Variants in LPAR6 observed in about 807,000 individuals in gnomAD.
The protein encoded by LPAR6 is G-protein coupled purinergic receptor P2Y5.
LPAR6 carries 17 observed loss-of-function variants against 22.0 expected under a neutral mutation model. The observed-to-expected ratio is 0.77, with a 90% CI of 0.53 to 1.16. The LOEUF is 1.16. Ranked by LOEUF, LPAR6 falls within the 50% of genes most tolerant of loss-of-function variation. The pLI, the probability that LPAR6 is intolerant of heterozygous loss-of-function variation, is 0.00. For missense variants in LPAR6, 384 were observed against 406.9 expected (o/e 0.94, Z 0.48); for synonymous variants, 136 against 139.8 (o/e 0.97, Z 0.19).
chr13:48,437,784 A>G (rs1949199373), intron 1 of LPAR6, among the ~76,000 whole-genome samples: 1 of 152,218 alleles, frequency 6.6e-6, no homozygotes, highest in Non-Finnish European at 1.5e-5. Flanking sequence ...GTGACATGCC[A>G]TCACTTCTGC....
intron 1 of LPAR6, chr13:48,444,543 A>G (rs972893637): frequency 1.3e-5 from 2 of 152,422 alleles, no homozygotes; most frequent in Non-Finnish European, 2.9e-5. Context: ...ATCAAAGGAA[A>G]CACACTTACC....
chr13:48,424,014 A>AAAT (rs1226688616), intron 1 of LPAR6: 1 of 152,684 alleles, frequency 6.5e-6, no homozygotes, highest in Admixed American at 6.5e-5. Flanking sequence ...TGCATGCAGC[A>AAAT]AATGTTTGCC....
At chr13:48,397,467 G>T (rs1948657442) in intron 1 of LPAR6, among the ~76,000 whole-genome samples, 2 of 152,124 alleles carry the variant, frequency 1.3e-5, no homozygotes, top group Admixed American at 1.3e-4. Flanking sequence ...CACATGGAGG[G>T]GAACATCACA....
rs765378149 is a variant in LPAR6, at chr13:48,412,028, A to G, written c.396T>C (p.Asn132=). 1.9e-6 allele frequency: 3 copies of G among 1,613,176 alleles called. No homozygotes were observed. The highest frequency in any genetic ancestry group is 2.5e-6 in the Non-Finnish European group (3 of 1,179,574). ...ACACGCCAGTGCAAACAATCTTTGC[A>G]TTTCTTTTGGTTCTTAGAGTCTTTG... is the stretch of plus-strand genomic sequence containing the variant. ...FKSKTLRTKR[N]AKIVCTGVWL... The change falls in exon 1 of 1, where the codon AAT becomes AAC. Residue 132 remains asparagine (N), a synonymous_variant. Transcript: ENST00000620633.
upstream of LPAR6, among the ~76,000 whole-genome samples, chr13:48,413,330 G>C (rs572539217): frequency 3.4e-4 from 52 of 152,232 alleles, no homozygotes; most frequent in African/African-American, 1.1e-3. Flanking sequence ...TGCCTTCTGC[G>C]GTGCTGGCAA....
chr13:48,436,862 T>C (rs1438704013), intron 1 of LPAR6, among the ~76,000 whole-genome samples: 3 of 152,240 alleles, frequency 2.0e-5, no homozygotes, highest in Non-Finnish European at 4.4e-5. Flanking sequence ...TCCTGTAATG[T>C]AGTTCTAATA....
chr13:48,406,218 TG>T (rs1948738537), downstream of LPAR6, among the ~76,000 whole-genome samples: 1 of 152,114 alleles, frequency 6.6e-6, no homozygotes, highest in Non-Finnish European at 1.5e-5. Flanking sequence ...TGTGTATGTG[TG>T]TGTTAGATAT....
At chr13:48,424,296 C>T (rs1949049252) in intron 1 of LPAR6, among the ~76,000 whole-genome samples, 1 of 152,176 alleles carries the variant, frequency 6.6e-6, no homozygotes, top group African/African-American at 2.4e-5. Context: ...AAGTGATTTA[C>T]CTTCCTTTCA....
intron 2 of LPAR6, among the ~76,000 whole-genome samples, chr13:48,419,589 A>G (rs1052510859): frequency 1.3e-5 from 2 of 152,206 alleles, no homozygotes; most frequent in African/African-American, 4.8e-5. Context: ...AAAATCAATG[A>G]ATCCAGGAGC....
In LPAR6 at chr13:48,412,406, G is replaced by A. The variant is rs1304369581; in HGVS notation, c.18C>T (p.Ser6=). 6.2e-7 allele frequency: 1 copy of A among 1,613,506 alleles called. No homozygotes were observed. The highest frequency in any genetic ancestry group is 1.7e-5 in the Admixed American group (1 of 60,016). MVSVN[S]SHCFYNDSFK... ...AGGAGTCATTATAGAAGCAGTGGGA[G>A]CTGTTAACGCTTACCATCGTAAAGG... is the stretch of plus-strand genomic sequence containing the variant. Residue 6 remains serine, a synonymous_variant, in exon 1 of 1, where the codon AGC becomes AGT. Coordinates refer to ENST00000620633, the MANE Select transcript of LPAR6 (RefSeq NM_001162498.3).
chr13:48,405,610 T>C (rs1948732793), intron 1 of LPAR6, among the ~76,000 whole-genome samples: 1 of 152,194 alleles, frequency 6.6e-6, no homozygotes, highest in South Asian at 2.1e-4. Context: ...AGCTGAGAAG[T>C]TGCAGCCAGA....
At position 48,411,689 on chromosome 13, in the gene LPAR6, G is replaced by A. The variant is rs1400281134; in HGVS notation, c.735C>T (p.Tyr245=). 14 of 1,608,788 alleles carry A rather than the reference G, an allele frequency of 8.7e-6. No individual in the cohort carries two copies. Among genetic ancestry groups the A allele is most frequent in the Admixed American group, 1.7e-5 (1 of 59,936 alleles). Residue 245 remains tyrosine (Y), a synonymous_variant, in exon 1 of 1, where the codon TAC becomes TAT. Transcript: ENST00000620633. ...LIIFCFCFVP[Y]NINLILYSLV... is the part of the protein sequence containing the mutation. ...GAGAATATAAAATAAGATTGATATT[G>A]TAAGGAACAAAACAGAAACAGAATA...
rs115899031 is a variant in LPAR6 at position 48,398,177 on chromosome 13, A to G, written n.115-8365T>C. Reference sequence around the variant, plus strand: ...TAAAAGCTTCTCATGAATTACCTAAAATAACCATGTATTTACTTTTCTTTG... The same window carrying G: ...TAAAAGCTTCTCATGAATTACCTAAGATAACCATGTATTTACTTTTCTTTG... On this transcript the variant is annotated intron_variant and non_coding_transcript_variant, in intron 1 of 1. Transcript: ENST00000462781. 4.6e-3 allele frequency among the ~76,000 whole-genome samples: 706 copies of G among 152,308 alleles called. 6 individuals carry two copies. Among genetic ancestry groups the G allele is most frequent in the African/African-American group, 0.016 (672 of 41,572 alleles).
upstream of LPAR6, among the ~76,000 whole-genome samples, chr13:48,430,560 T>G (rs1002490422): frequency 2.0e-5 from 3 of 152,042 alleles, no homozygotes; most frequent in Non-Finnish European, 4.4e-5. Context: ...GCTAACGTGG[T>G]GAAACCCCGT....
chr13:48,416,118 TAAAC>T (rs1285073999), upstream of LPAR6, among the ~76,000 whole-genome samples: 1 of 152,184 alleles, frequency 6.6e-6, no homozygotes, highest in Non-Finnish European at 1.5e-5. Flanking sequence ...GAGCGAAAAT[TAAAC>T]AGAGCCAGAT....
At chr13:48,434,919 A>G (rs1265132350) in intron 1 of LPAR6, among the ~76,000 whole-genome samples, 1 of 152,170 alleles carries the variant, frequency 6.6e-6, no homozygotes, top group Non-Finnish European at 1.5e-5. Flanking sequence ...ATTGCTGACT[A>G]GTATTTTGTA....
At chr13:48,425,893 G>C (rs1949072429) in intron 1 of LPAR6, among the ~76,000 whole-genome samples, 1 of 152,156 alleles carries the variant, frequency 6.6e-6, no homozygotes, top group Non-Finnish European at 1.5e-5. Context: ...CTAAAATTCA[G>C]AGAAGTTGTG....
chr13:48,408,709 T>C (rs1948761617), downstream of LPAR6: 1 of 152,186 alleles, frequency 6.6e-6, no homozygotes, highest in African/African-American at 2.4e-5. Flanking sequence ...ACCATGTTTG[T>C]TATCTGTTAT....
At chr13:48,444,390 C>A (rs1949267346) in intron 1 of LPAR6, among the ~76,000 whole-genome samples, 1 of 152,052 alleles carries the variant, frequency 6.6e-6, no homozygotes, top group South Asian at 2.1e-4. Flanking sequence ...GGTGGCATGC[C>A]CCTGTAGTCC....
Sources: allele counts gnomAD v4.1 joint callset (sites outside exome capture counted in the v4.1 genomes callset), GRCh38; gene constraint gnomAD v4.1.1; transcripts MANE v1.5; gene names NCBI Gene and HGNC (gene_info 2026-07-23, HGNC 2026-07-21).